DENND5A: variants seen among roughly 807,000 people sequenced by gnomAD.
The protein encoded by DENND5A is DENN domain-containing protein 5A.
In DENND5A, 64 loss-of-function variants were observed where a neutral mutation model predicts 140.3. The observed-to-expected ratio is 0.46, with a 90% CI of 0.37 to 0.56. The LOEUF is 0.56. Among genes scored for constraint, DENND5A ranks in the 20% least tolerant of loss-of-function variants. DENND5A has a pLI of 0.00. For missense variants in DENND5A, 1,292 were observed against 1,593.8 expected, an observed-to-expected ratio of 0.81 and a Z score of 3.22; for synonymous variants, 605 against 607.7, an observed-to-expected ratio of 1.00 and a Z score of 0.07.
chr11:9,177,204 T>C (rs1285497740), intron 8 of DENND5A, among the ~76,000 whole-genome samples: 3 of 135,428 alleles, frequency 2.2e-5, no homozygotes, highest in Non-Finnish European at 4.6e-5. Context: ...TGGCGAGCCA[T>C]AATCGCACCA....
chr11:9,210,435 T>C (rs1434621818), intron 1 of DENND5A, among the ~76,000 whole-genome samples: 1 of 152,248 alleles, frequency 6.6e-6, no homozygotes, highest in African/African-American at 2.4e-5. Context: ...GGAAGTACAG[T>C]TCAAATCAAT....
At chr11:9,237,320 T>G (rs886830686) in intron 1 of DENND5A, among the ~76,000 whole-genome samples, 1 of 151,974 alleles carries the variant, frequency 6.6e-6, no homozygotes, top group African/African-American at 2.4e-5. Flanking sequence ...CTTGGGAGGC[T>G]GAGGCAGGAG....
At chr11:9,190,910 T>C (rs1049423496) in intron 5 of DENND5A, among the ~76,000 whole-genome samples, 10 of 152,106 alleles carry the variant, frequency 6.6e-5, no homozygotes, top group African/African-American at 1.9e-4. Context: ...CCACGGGAAA[T>C]ACATAGGCTC....
intron 1 of DENND5A, among the ~76,000 whole-genome samples, chr11:9,244,456 G>A (rs1179891345): frequency 2.0e-5 from 3 of 151,924 alleles, no homozygotes; most frequent in Admixed American, 6.6e-5. Flanking sequence ...CGCAACCTCC[G>A]CCTCCCAGGT....
At chr11:9,153,581 T>C (rs1047905237) in intron 12 of DENND5A, among the ~76,000 whole-genome samples, 4 of 152,196 alleles carry the variant, frequency 2.6e-5, no homozygotes, top group African/African-American at 7.2e-5. Flanking sequence ...CTTCTCTGAA[T>C]GTCAGTTTCC....
At position 9,145,081 on chromosome 11, in the gene DENND5A, C is replaced by A; in HGVS notation, c.3036G>T (p.Gln1012His). 6.2e-7 allele frequency: 1 copy of A among 1,614,088 alleles called. No individual in the cohort carries two copies. Among genetic ancestry groups the A allele is most frequent in the South Asian group, 1.1e-5 (1 of 91,074 alleles). The change falls in exon 18 of 23, where the codon CAG becomes CAT. Residue 1012 changes from glutamine to histidine, a missense_variant. Physicochemically the swap from Gln to His is conservative, Grantham distance 24. Around this residue, in one of 4 missense-constraint regions of DENND5A, gnomAD observed 498 missense variants for 689.7 expected, o/e 0.72. Transcript: ENST00000328194. ...ACAGCCCAGAGTTATCATGGCCAAT[C>A]TGGACAGTAGTAAGCTTCCCCAAGT... ...CQNLGKLTTV[Q>H]IGHDNSGLYA...
chr11:9,178,576 C>T (rs1457819086), intron 7 of DENND5A, among the ~76,000 whole-genome samples: 1 of 151,804 alleles, frequency 6.6e-6, no homozygotes, highest in African/African-American at 2.4e-5. Flanking sequence ...CTTGGGTAAC[C>T]TACTGAGTCA....
intron 1 of DENND5A, among the ~76,000 whole-genome samples, chr11:9,243,200 A>T (rs557066954): frequency 6.6e-6 from 1 of 152,034 alleles, no homozygotes; most frequent in East Asian, 1.9e-4. Flanking sequence ...CACCACACTC[A>T]TAACTAACTG....
At chr11:9,248,242 C>T (rs1405459605) in intron 1 of DENND5A, among the ~76,000 whole-genome samples, 1 of 152,132 alleles carries the variant, frequency 6.6e-6, no homozygotes, top group Non-Finnish European at 1.5e-5. Flanking sequence ...CTCAGTCTCC[C>T]AAAATGCTGG....
chr11:9,181,693 C>G (rs1385685266), intron 5 of DENND5A, among the ~76,000 whole-genome samples: 1 of 152,152 alleles, frequency 6.6e-6, no homozygotes, highest in Non-Finnish European at 1.5e-5. Flanking sequence ...GAGCCATGAT[C>G]ACACCACTGC....
intron 13 of DENND5A, among the ~76,000 whole-genome samples, chr11:9,152,142 C>T (rs967753748): frequency 3.4e-4 from 52 of 152,146 alleles, no homozygotes; most frequent in South Asian, 2.1e-4. Context: ...TTCTATCTTG[C>T]CGATAAAAAG....
chr11:9,260,356 A>T (rs989832227), intron 1 of DENND5A, among the ~76,000 whole-genome samples: 2 of 152,252 alleles, frequency 1.3e-5, no homozygotes, highest in African/African-American at 4.8e-5. Flanking sequence ...TTCACAGTAA[A>T]ACCTTCTCCT....
chr11:9,245,782 G>A (rs544653229), intron 1 of DENND5A, among the ~76,000 whole-genome samples: 7 of 151,778 alleles, frequency 4.6e-5, no homozygotes, highest in Admixed American at 1.3e-4. Context: ...TACAGGCGTG[G>A]ACCACCACGC....
Position 9,164,667 on chromosome 11 carries a change from G to A in DENND5A, c.2283+1169C>T, listed in dbSNP as rs1271327809. ...ACACCCAAACAATCTAAGCTTAAAC[G>A]GAATGACACATTTTAGCCTGGCACA... On this transcript the variant is annotated intron_variant, in intron 11 of 22. Coordinates refer to ENST00000328194, the MANE Select transcript of DENND5A (RefSeq NM_015213.4). 4.6e-5 allele frequency among the ~76,000 whole-genome samples: 7 copies of A among 152,104 alleles called. No homozygotes were observed. In the South Asian group the frequency reaches 1.0e-3, roughly 23 times the overall value.
At chr11:9,163,984 CA>C (rs1734137879) in intron 11 of DENND5A, among the ~76,000 whole-genome samples, 1 of 149,790 alleles carries the variant, frequency 6.7e-6, no homozygotes, top group Admixed American at 6.7e-5. Context: ...CACACACACA[CA>C]CTGGCCACAA....
At chr11:9,183,311 A>G (rs141029857) in intron 5 of DENND5A, among the ~76,000 whole-genome samples, 1 of 152,374 alleles carries the variant, frequency 6.6e-6, no homozygotes, top group East Asian at 1.9e-4. Flanking sequence ...TTATATAACA[A>G]TAAATGTCAA....
In DENND5A at chr11:9,142,664, G is replaced by C. The variant is rs551080178; in HGVS notation, c.3511+58C>G. 3 of 1,606,288 alleles carry C rather than the reference G, an allele frequency of 1.9e-6. No individual in the cohort carries two copies. The South Asian group carries it at 3.3e-5, about 18-fold the overall frequency. On this transcript the variant is annotated intron_variant, in intron 21 of 22. Transcript: ENST00000328194. ...AGTGGTCAGCACCCATGCTATGCTG[G>C]TGAGTCCCCTTATATCTCTACATGC...
chr11:9,167,876 AT>A (rs1202268771), intron 10 of DENND5A, among the ~76,000 whole-genome samples: 3 of 152,096 alleles, frequency 2.0e-5, no homozygotes, highest in Admixed American at 1.3e-4. Context: ...CCTCTTCCAA[AT>A]CATCTTGTTT....
At chr11:9,262,079 C>T (rs1022679194) in intron 1 of DENND5A, among the ~76,000 whole-genome samples, 2 of 152,106 alleles carry the variant, frequency 1.3e-5, no homozygotes, top group African/African-American at 4.8e-5. Context: ...TCCATTAAGA[C>T]AGTAACATTT....
Sources: gnomAD v4.1 joint callset for allele counts (sites outside exome capture counted in the v4.1 genomes callset) on GRCh38, gnomAD v4.1.1 for gene constraint, gnomAD v4.1.1 regional missense constraint, MANE v1.5 for transcripts, NCBI Gene and HGNC (gene_info 2026-07-23, HGNC 2026-07-21) for gene names.